BABAM2: variants seen among roughly 807,000 people sequenced by gnomAD.
The protein encoded by BABAM2 is BRISC and BRCA1 A complex member 2.
A neutral mutation model predicts 54.7 loss-of-function variants in BABAM2; 31 were observed. The observed-to-expected ratio is 0.57, with a 90% CI of 0.43 to 0.77. The LOEUF is 0.77. BABAM2 is among the 30% of genes least tolerant of loss of function. The pLI, the probability that BABAM2 is intolerant of heterozygous loss-of-function variation, is 0.00. For missense variants in BABAM2, 364 were observed against 455.8 expected, an observed-to-expected ratio of 0.80 and a Z score of 1.83; for synonymous variants, 167 against 162.9, an observed-to-expected ratio of 1.03 and a Z score of -0.19.
chr2:28,063,376 G>C (rs1364242207), intron 6 of BABAM2, among the ~76,000 whole-genome samples: 1 of 152,096 alleles, frequency 6.6e-6, no homozygotes, highest in Non-Finnish European at 1.5e-5. Context: ...TTTTAATAAT[G>C]TTTTACTTAA....
chr2:27,889,348 G>C (rs1664649543), upstream of BABAM2, among the ~76,000 whole-genome samples: 1 of 152,076 alleles, frequency 6.6e-6, no homozygotes, highest in African/African-American at 2.4e-5. Flanking sequence ...GGACGAATGA[G>C]GTGTTACTGT....
Position 27,906,940 on chromosome 2 carries a change from G to A in BABAM2, c.128+12256G>A, listed in dbSNP as rs1231875622. Among the ~76,000 whole-genome samples, 13 of 152,286 alleles carry A rather than the reference G, an allele frequency of 8.5e-5. No homozygotes were observed. In the South Asian group the frequency reaches 2.1e-3, roughly 24 times the overall value. On this transcript the variant is annotated intron_variant, in intron 2 of 11. Transcript: ENST00000379624. ...AAAATGCTTTGAGTTTGGAAGACAG[G>A]TGAGGGTTTTTTTTAGTACAGGTTA... is the stretch of plus-strand genomic sequence containing the variant.
intron 7 of BABAM2, among the ~76,000 whole-genome samples, chr2:28,181,323 C>T (rs1452440748): frequency 1.3e-5 from 2 of 152,126 alleles, no homozygotes; most frequent in Non-Finnish European, 1.5e-5. Flanking sequence ...CTGTCATATG[C>T]AGCAACATGG....
chr2:28,177,371 A>G (rs1005406381), intron 7 of BABAM2, among the ~76,000 whole-genome samples: 3 of 152,206 alleles, frequency 2.0e-5, no homozygotes, highest in African/African-American at 4.8e-5. Context: ...GAGGAAATTC[A>G]TCACCACTAG....
chr2:28,312,994 T>C lies in BABAM2; in HGVS notation c.1088+14503T>C, dbSNP rs548208043. On this transcript the variant is annotated intron_variant, in intron 11 of 11. Coordinates refer to ENST00000379624, the MANE Select transcript of BABAM2 (RefSeq NM_199191.3). ...CCCAAGCCACCTCTGACCTCCTACG[T>C]TTCCCCTCTTTCCTGCTCCCTTGCT... is the stretch of plus-strand genomic sequence containing the variant. Among the ~76,000 whole-genome samples the C allele has an allele frequency of 6.6e-5, 10 of 152,262 alleles. No homozygotes were observed. The South Asian group carries it at 1.7e-3, about 25-fold the overall frequency.
chr2:28,075,162 C>G (rs1289443996), intron 6 of BABAM2, among the ~76,000 whole-genome samples: 1 of 152,160 alleles, frequency 6.6e-6, no homozygotes, highest in African/African-American at 2.4e-5. Context: ...CGAGTGCACC[C>G]AATTTAGCTA....
intron 6 of BABAM2, among the ~76,000 whole-genome samples, chr2:28,077,124 C>A (rs149519839): frequency 0.012 from 1,880 of 152,208 alleles, 16 homozygotes; most frequent in Middle Eastern, 0.031. Flanking sequence ...AGAGCTTTGC[C>A]TACTTTCTAA....
At chr2:27,971,620 C>T (rs144696735) in intron 3 of BABAM2, among the ~76,000 whole-genome samples, 4 of 151,278 alleles carry the variant, frequency 2.6e-5, no homozygotes, top group Non-Finnish European at 5.9e-5. Flanking sequence ...CTAGGAGCTA[C>T]ACCTAAATCA....
chr2:28,079,797 C>A (rs1490495972), intron 6 of BABAM2, among the ~76,000 whole-genome samples: 4 of 152,064 alleles, frequency 2.6e-5, no homozygotes, highest in Admixed American at 2.6e-4. Flanking sequence ...GAGACAGTGT[C>A]ATAGACATTA....
intron 3 of BABAM2, among the ~76,000 whole-genome samples, chr2:27,941,001 C>T (rs1388935586): frequency 6.6e-6 from 1 of 152,146 alleles, no homozygotes; most frequent in Non-Finnish European, 1.5e-5. Context: ...CATGAGGACT[C>T]AATTCAAGGC....
chr2:28,307,666 C>G (rs563944623), intron 11 of BABAM2: 1 of 152,000 alleles, frequency 6.6e-6, no homozygotes, highest in Non-Finnish European at 1.5e-5. Flanking sequence ...TTTCAGTCTT[C>G]GTATTTTATG....
upstream of BABAM2, chr2:27,890,270 TC>T: frequency 1.2e-6 from 2 of 1,613,664 alleles, no homozygotes; most frequent in Non-Finnish European, 1.7e-6. The surrounding 1 kb of genome is among the most constrained non-coding windows in gnomAD (Gnocchi z 4.8). Context: ...ACCAGGTCGG[TC>T]ATGCAGGAGC....
intron 9 of BABAM2, among the ~76,000 whole-genome samples, chr2:28,242,838 T>C (rs533193640): frequency 6.6e-6 from 1 of 152,352 alleles, no homozygotes; most frequent in Admixed American, 6.5e-5. Context: ...CACATGAGTC[T>C]TTAATACTTA....
chr2:28,078,107 G>T (rs1664848483), intron 6 of BABAM2, among the ~76,000 whole-genome samples: 1 of 151,914 alleles, frequency 6.6e-6, no homozygotes, highest in East Asian at 1.9e-4. Flanking sequence ...ATGACATCCG[G>T]CTCTGTCCCA....
chr2:28,211,118 A>AG (rs1355837754), intron 7 of BABAM2, among the ~76,000 whole-genome samples: 1 of 152,186 alleles, frequency 6.6e-6, no homozygotes, highest in East Asian at 1.9e-4. Context: ...CCAAAAACAG[A>AG]GGGGACACAG....
intron 11 of BABAM2, chr2:28,307,674 A>G (rs1248759675): frequency 3.3e-5 from 5 of 152,154 alleles, no homozygotes; most frequent in African/African-American, 1.2e-4. Flanking sequence ...TTCGTATTTT[A>G]TGAATTCCAC....
At chr2:28,081,176 G>C (rs1171657430) in intron 6 of BABAM2, among the ~76,000 whole-genome samples, 1 of 152,178 alleles carries the variant, frequency 6.6e-6, no homozygotes, top group Non-Finnish European at 1.5e-5. Context: ...TCGCAGACTG[G>C]CAGGCTGGTC....
At chr2:28,037,570 A>G (rs1676758235) in intron 5 of BABAM2, among the ~76,000 whole-genome samples, 1 of 152,204 alleles carries the variant, frequency 6.6e-6, no homozygotes. Flanking sequence ...TGTAAGATAA[A>G]TAATTAGAAG....
At chr2:28,194,988 G>A (rs1440535564) in intron 7 of BABAM2, among the ~76,000 whole-genome samples, 2 of 152,174 alleles carry the variant, frequency 1.3e-5, no homozygotes, top group Non-Finnish European at 2.9e-5. Context: ...TAGCCACCAC[G>A]CCCAGCCAAC....
Sources: allele counts gnomAD v4.1 joint callset (sites outside exome capture counted in the v4.1 genomes callset), GRCh38; gene constraint gnomAD v4.1.1; non-coding constraint Gnocchi (gnomAD v3.1); transcripts MANE v1.5; gene names NCBI Gene and HGNC (gene_info 2026-07-23, HGNC 2026-07-21).